Variants in DPH6 observed in about 807,000 individuals in gnomAD.
DPH6 encodes diphthamine biosynthesis 6.
In DPH6, 33 loss-of-function variants were observed where a neutral mutation model predicts 38.2. The observed-to-expected ratio is 0.86, with a 90% confidence interval of 0.65 to 1.15. DPH6 has a LOEUF of 1.15. Ranked by LOEUF, DPH6 falls within the 50% of genes most tolerant of loss-of-function variation. DPH6 has a pLI of 0.00. For synonymous variants in DPH6, 108 were observed against 103.0 expected (o/e 1.05, Z -0.30); for missense variants, 325 against 320.0 (o/e 1.02, Z -0.12).
chr15:35,198,004 A>G, the DPH6 span, among the ~76,000 whole-genome samples: 2 of 152,012 alleles, frequency 1.3e-5, no homozygotes, highest in Admixed American at 6.6e-5. Context: ...AGGACATAAG[A>G]CCTCATGGCA....
intron 5 of DPH6, among the ~76,000 whole-genome samples, chr15:35,421,219 G>C (rs1170606783): frequency 3.3e-5 from 5 of 152,042 alleles, no homozygotes; most frequent in Admixed American, 2.6e-4. Flanking sequence ...AATTTAAAGA[G>C]CTAATAGCAA....
At chr15:35,276,942 AT>A (rs1048949963) in intron 3 of DPH6, among the ~76,000 whole-genome samples, 5 of 151,234 alleles carry the variant, frequency 3.3e-5, no homozygotes, top group Non-Finnish European at 5.9e-5. Flanking sequence ...GAATTTTAGG[AT>A]TTTTTTTCTG....
the DPH6 span, among the ~76,000 whole-genome samples, chr15:35,180,102 G>C: frequency 2.6e-5 from 4 of 151,972 alleles, no homozygotes; most frequent in African/African-American, 9.7e-5. Context: ...ACATTCATTA[G>C]CTTAAATAGA....
chr15:35,331,073 T>C (rs1482905573), exon 4 of DPH6: 1 of 152,130 alleles, frequency 6.6e-6, no homozygotes, highest in African/African-American at 2.4e-5. Flanking sequence ...ATATTGGTTT[T>C]TGACCTTGAA....
chr15:35,471,400 A>G (rs2054196908), intron 3 of DPH6, among the ~76,000 whole-genome samples: 1 of 152,206 alleles, frequency 6.6e-6, no homozygotes, highest in Admixed American at 6.5e-5. Flanking sequence ...AGCTCTCCCT[A>G]GAATAATGTC....
At chr15:35,318,656 A>T (rs1265046149) in intron 3 of DPH6, among the ~76,000 whole-genome samples, 1 of 152,158 alleles carries the variant, frequency 6.6e-6, no homozygotes, top group Admixed American at 6.6e-5. Context: ...AGAACTAAAA[A>T]CAACAAATAT....
rs1245760875 is a variant in DPH6 at position 35,298,586 on chromosome 15, T to C, written n.200+74935A>G. On this transcript the variant is annotated intron_variant and non_coding_transcript_variant, in intron 3 of 3. Transcript: ENST00000560386. ...AGTCAGTGGATTTGAATCTGACTTC[T>C]TGGATGCATCTTTCTCCGTGGCGTC... The C allele has an allele frequency of 3.7e-6, 3 of 805,820 alleles. No individual in the cohort carries two copies. In the African/African-American group the frequency reaches 5.0e-5, roughly 14 times the overall value. The allele number at this position is 805,820 out of a possible 1,614,324, so 49.9% of individuals were successfully genotyped here. A position where few individuals can be genotyped will look rare whatever the true frequency, so the allele number is the denominator to read the frequency against.
At chr15:35,316,142 A>G (rs1038582823) in intron 3 of DPH6, among the ~76,000 whole-genome samples, 1 of 152,182 alleles carries the variant, frequency 6.6e-6, no homozygotes, top group Non-Finnish European at 1.5e-5. Context: ...TAGGGTGGCT[A>G]CAGTTTACAA....
At chr15:35,465,559 T>A (rs1208583831) in intron 3 of DPH6, among the ~76,000 whole-genome samples, 2 of 152,188 alleles carry the variant, frequency 1.3e-5, no homozygotes, top group Non-Finnish European at 2.9e-5. Context: ...ATGAATATTA[T>A]CTTAAATAAA....
chr15:35,164,833 C>G, the DPH6 span, among the ~76,000 whole-genome samples: 1 of 151,824 alleles, frequency 6.6e-6, no homozygotes, highest in Non-Finnish European at 1.5e-5. Flanking sequence ...TGGGCTGTCA[C>G]TTTTGGAAAA....
intron 3 of DPH6, among the ~76,000 whole-genome samples, chr15:35,295,156 G>A (rs180982194): frequency 5.3e-4 from 80 of 152,232 alleles, no homozygotes; most frequent in Non-Finnish European, 9.4e-4. Context: ...ACTTTTCATT[G>A]TGTTACCATC....
At chr15:35,409,208 G>T (rs1172698430) in intron 6 of DPH6, among the ~76,000 whole-genome samples, 2 of 151,726 alleles carry the variant, frequency 1.3e-5, no homozygotes, top group Admixed American at 1.3e-4. Context: ...AGGGAGGCAG[G>T]GTGATTTCCT....
intron 1 of DPH6, among the ~76,000 whole-genome samples, chr15:35,542,945 A>AATATGTATATATAT (rs1555410105): frequency 9.9e-5 from 3 of 30,226 alleles, no homozygotes; most frequent in African/African-American, 2.5e-4. Context: ...CCACTTAAGG[A>AATATGTATATATAT]ATATATATAT....
the DPH6 span, among the ~76,000 whole-genome samples, chr15:35,176,687 T>G: frequency 6.6e-6 from 1 of 152,162 alleles, no homozygotes; most frequent in African/African-American, 2.4e-5. Flanking sequence ...GTCAGGCTGG[T>G]CTCGAACTCC....
At chr15:35,421,757 T>A (rs1433392443) in intron 5 of DPH6, among the ~76,000 whole-genome samples, 1 of 151,866 alleles carries the variant, frequency 6.6e-6, no homozygotes, top group Non-Finnish European at 1.5e-5. Flanking sequence ...TTTTAAGGAG[T>A]TTATGCTTGA....
intron 3 of DPH6, among the ~76,000 whole-genome samples, chr15:35,534,090 A>G (rs767802051): frequency 1.3e-5 from 2 of 152,126 alleles, no homozygotes; most frequent in African/African-American, 2.4e-5. Context: ...AGAAAACACC[A>G]ATATTGGCCA....
chr15:35,330,545 G>C (rs1292372337), downstream of DPH6, among the ~76,000 whole-genome samples: 2 of 152,090 alleles, frequency 1.3e-5, no homozygotes. Context: ...AAAATGTACA[G>C]CAGGAACAGC....
the DPH6 span, among the ~76,000 whole-genome samples, chr15:35,158,970 A>G: frequency 6.6e-6 from 1 of 152,044 alleles, no homozygotes; most frequent in African/African-American, 2.4e-5. Context: ...AGAGACACTC[A>G]CTGGTCTCAT....
intron 3 of DPH6, among the ~76,000 whole-genome samples, chr15:35,516,933 A>G (rs926425532): frequency 2.6e-5 from 4 of 152,134 alleles, no homozygotes; most frequent in African/African-American, 9.7e-5. Flanking sequence ...GTGGTTCCAA[A>G]AGATTTTTTT....
Sources: allele counts gnomAD v4.1 joint callset (sites outside exome capture counted in the v4.1 genomes callset), GRCh38; gene constraint gnomAD v4.1.1; transcripts MANE v1.5; gene names NCBI Gene and HGNC (gene_info 2026-07-23, HGNC 2026-07-21).